Variants in ARHGEF37 observed in about 807,000 individuals in gnomAD.
ARHGEF37 encodes the protein Rho guanine nucleotide exchange factor (GEF) 37.
In ARHGEF37, 55 loss-of-function variants were observed where a neutral mutation model predicts 71.1. The observed-to-expected ratio is 0.77, with a 90% CI of 0.62 to 0.97. The LOEUF is 0.97. Among genes scored for constraint, ARHGEF37 ranks in the 50% least tolerant of loss-of-function variants. The pLI, the probability that ARHGEF37 is intolerant of heterozygous loss-of-function variation, is 0.00. For synonymous variants in ARHGEF37, 327 were observed against 350.6 expected (o/e 0.93, Z 0.75); for missense variants, 765 against 836.8 (o/e 0.91, Z 1.06).
At chr5:149,620,725 GGAGGCT>G (rs1299781539) in intron 8 of ARHGEF37, among the ~76,000 whole-genome samples, 6 of 151,920 alleles carry the variant, frequency 3.9e-5, no homozygotes, top group Admixed American at 6.6e-5. Flanking sequence ...CAGCTACTCA[GGAGGCT>G]GAGGCAGGAG....
Position 149,616,723 on chromosome 5 carries a change from C to G in ARHGEF37, c.615C>G (p.Asp205Glu). Residue 205 changes from aspartate to glutamate, a missense_variant, in exon 5 of 13, where the codon GAC (aspartate) becomes GAG (glutamate). By Grantham distance (45) the Asp-to-Glu change is conservative (BLOSUM62 2). Coordinates refer to ENST00000333677, the MANE Select transcript of ARHGEF37 (RefSeq NM_001001669.3). ...VLQRAVSALQDVNTNINEYKM... is the reference protein window; with the variant it reads ...VLQRAVSALQEVNTNINEYKM... ...AGAGGGCTGTCTCTGCCCTCCAGGA[C>G]GTGAACACCAATATCAATGAGTACA... 2 of 1,613,404 alleles carry G rather than the reference C, an allele frequency of 1.2e-6. No homozygotes were observed. Among genetic ancestry groups the G allele is most frequent in the Non-Finnish European group, 1.7e-6 (2 of 1,179,440 alleles).
At chr5:149,622,181 C>A in intron 9 of ARHGEF37, 119 bp downstream of exon 9, 1 of 1,017,782 alleles carries the variant, frequency 9.8e-7, no homozygotes, top group Non-Finnish European at 1.4e-6. Flanking sequence ...AACAGGTCAT[C>A]AGGCCCTTAG....
In ARHGEF37 at chr5:149,634,835, A is replaced by C. The variant is rs1752986346; in HGVS notation, c.*2644A>C. The C allele has an allele frequency of 6.6e-6, 1 of 152,558 alleles. No individual in the cohort carries two copies. Among genetic ancestry groups the C allele is most frequent in the South Asian group, 2.1e-4 (1 of 4,822 alleles). 9.5% of individuals were successfully genotyped at this position (152,558 alleles called of 1,614,324 possible). On this transcript the variant is annotated 3_prime_UTR_variant, in exon 13 of 13. Coordinates refer to ENST00000333677, the MANE Select transcript of ARHGEF37 (RefSeq NM_001001669.3). ...GAACTCTTAAACCCCTCAGGCCCCA[A>C]CTCAGTTGTGGAGATGAGGACAAGA...
rs1034241919 is a variant in ARHGEF37 at position 149,628,719 on chromosome 5, T to C, written c.1661-90T>C. The stretch of plus-strand genomic sequence containing the variant: ...TTCTCTTGGGTGTTGAGAAGCTGTG[T>C]TGGAAACATTTATATCCATGGATTT... On this transcript the variant is annotated intron_variant, in intron 11 of 12. Coordinates refer to ENST00000333677, the MANE Select transcript of ARHGEF37 (RefSeq NM_001001669.3). 27 of 1,460,198 alleles carry C rather than the reference T, an allele frequency of 1.8e-5. No homozygotes were observed. The South Asian group carries it at 3.8e-4, about 20-fold the overall frequency. The allele number at this position is 1,460,198 out of a possible 1,614,324, so 90.5% of individuals were successfully genotyped here. A position where few individuals can be genotyped will look rare whatever the true frequency, so the allele number is the denominator to read the frequency against.
chr5:149,576,116 A>G (rs1234929108), intron 1 of ARHGEF37, among the ~76,000 whole-genome samples: 1 of 152,220 alleles, frequency 6.6e-6, no homozygotes, highest in East Asian at 1.9e-4. Context: ...CTGGTGGCAC[A>G]TGCCTGTAAT....
chr5:149,588,594 G>A (rs958541821), intron 1 of ARHGEF37, among the ~76,000 whole-genome samples: 1 of 152,088 alleles, frequency 6.6e-6, no homozygotes, highest in African/African-American at 2.4e-5. Context: ...CACCATGCCC[G>A]GCCCCTTTAT....
In ARHGEF37 at chr5:149,633,758, G is replaced by A. The variant is rs905058827; in HGVS notation, c.*1567G>A. ...CCATAGTGCCTAAGCAGTGAGCTCT[G>A]GTTTTTGAAGGGCTTTTAAGAAATA... On this transcript the variant is annotated 3_prime_UTR_variant, in exon 13 of 13. Transcript: ENST00000333677. The A allele has an allele frequency of 7.2e-5, 11 of 152,192 alleles. No homozygotes were observed. Among genetic ancestry groups the A allele is most frequent in the African/African-American group, 2.7e-4 (11 of 41,452 alleles). The allele number at this position is 152,192 out of a possible 1,614,324, so 9.4% of individuals were successfully genotyped here.
intron 1 of ARHGEF37, among the ~76,000 whole-genome samples, chr5:149,575,915 G>A (rs1234629123): frequency 4.0e-5 from 6 of 151,262 alleles, no homozygotes; most frequent in South Asian, 4.2e-4. Flanking sequence ...TTAGCTGGGC[G>A]TGTTGGCACC....
intron 4 of ARHGEF37, among the ~76,000 whole-genome samples, chr5:149,615,033 T>C (rs1184776118): frequency 3.3e-5 from 5 of 152,134 alleles, no homozygotes; most frequent in Non-Finnish European, 7.4e-5. Flanking sequence ...CCGGATGCTA[T>C]TGACTTGGGG....
At chr5:149,584,947 A>C (rs1348175724) in intron 1 of ARHGEF37, among the ~76,000 whole-genome samples, 1 of 152,162 alleles carries the variant, frequency 6.6e-6, no homozygotes, top group Non-Finnish European at 1.5e-5. Flanking sequence ...TATATTGTTT[A>C]TTTAGTTATA....
rs1184681238 is a variant in ARHGEF37 at position 149,618,186 on chromosome 5, C to T, written c.669C>T (p.Tyr223=). The T allele has an allele frequency of 5.6e-6, 9 of 1,614,072 alleles. No individual in the cohort carries two copies. The highest frequency in any genetic ancestry group is 5.0e-5 in the Admixed American group (3 of 60,002). The change falls in exon 6 of 13, where the codon TAC becomes TAT. Residue 223 remains tyrosine (Y), a synonymous_variant. Transcript: ENST00000333677. ...TCTCTGTCGTTGCAGCCTCCAAGTACACCAAGGTAGAGCAGCTGACCCTCC... is the reference window on the plus strand; with the variant it reads ...TCTCTGTCGTTGCAGCCTCCAAGTATACCAAGGTAGAGCAGCTGACCCTCC... ...YKMRKEVASK[Y]TKVEQLTLRE...
At chr5:149,553,413 T>C (rs1302924835) in intron 1 of ARHGEF37, among the ~76,000 whole-genome samples, 2 of 151,882 alleles carry the variant, frequency 1.3e-5, no homozygotes, top group Admixed American at 6.6e-5. Context: ...AAAAAATTAA[T>C]TAATTAATCA....
At chr5:149,623,088 A>T (rs1344341754) in intron 9 of ARHGEF37, among the ~76,000 whole-genome samples, 1 of 152,134 alleles carries the variant, frequency 6.6e-6, no homozygotes, top group African/African-American at 2.4e-5. Context: ...CTCAGCTTAG[A>T]ATGCCCCTCT....
At chr5:149,578,333 C>A (rs372967497), upstream of ARHGEF37, among the ~76,000 whole-genome samples, 16 of 152,194 alleles carry the variant, frequency 1.1e-4, 2 homozygotes, top group Admixed American at 8.5e-4. Context: ...TTAATAAAGT[C>A]ATGGTCAAAT....
At position 149,633,281 on chromosome 5, in the gene ARHGEF37, C is replaced by T. The variant is rs1752940625; in HGVS notation, c.*1090C>T. 6.6e-6 allele frequency: 1 copy of T among 152,354 alleles called. No homozygotes were observed. The highest frequency in any genetic ancestry group is 1.5e-5 in the Non-Finnish European group (1 of 68,102). The allele number at this position is 152,354 out of a possible 1,614,324, so 9.4% of individuals were successfully genotyped here. A position where few individuals can be genotyped will look rare whatever the true frequency, so the allele number is the denominator to read the frequency against. ...AGTGTGATACAAATGTAAATGACAG[C>T]AGTGATCTCGGGGTGGCCCCCGGCA... On this transcript the variant is annotated 3_prime_UTR_variant, in exon 13 of 13. Transcript: ENST00000333677.
intron 3 of ARHGEF37, 105 bp from the exon 4 acceptor site, chr5:149,609,443 A>G: frequency 7.8e-7 from 1 of 1,283,202 alleles, no homozygotes; most frequent in South Asian, 1.3e-5. Context: ...TAAACCCAGC[A>G]ATCTCACTGG....
At chr5:149,576,039 A>C (rs955814489) in intron 1 of ARHGEF37, among the ~76,000 whole-genome samples, 11 of 152,190 alleles carry the variant, frequency 7.2e-5, no homozygotes, top group African/African-American at 2.7e-4. Flanking sequence ...TGAAGTCAGG[A>C]GTTCCAGACC....
chr5:149,598,751 T>TAG (rs1561794938), intron 2 of ARHGEF37, among the ~76,000 whole-genome samples: 1 of 40,826 alleles, frequency 2.4e-5, no homozygotes, highest in African/African-American at 7.2e-5. Flanking sequence ...TATATATATC[T>TAG]ATATATAGAT....
At chr5:149,604,550 C>T (rs1274247647) in intron 3 of ARHGEF37, among the ~76,000 whole-genome samples, 1 of 152,044 alleles carries the variant, frequency 6.6e-6, no homozygotes, top group Non-Finnish European at 1.5e-5. Context: ...GGCTTTTCTT[C>T]TCCTCAGTGC....
Sources: allele counts gnomAD v4.1 joint callset (sites outside exome capture counted in the v4.1 genomes callset), GRCh38; gene constraint gnomAD v4.1.1; transcripts MANE v1.5; gene names NCBI Gene and HGNC (gene_info 2026-07-23, HGNC 2026-07-21).